Variants in DEPDC1 observed in about 807,000 individuals in gnomAD.
DEPDC1 encodes the protein DEP domain-containing protein 1A.
Under a neutral mutation model 86.8 loss-of-function variants are expected in DEPDC1, and 66 were observed. The ratio of observed to expected loss-of-function variants is 0.76; its 90% CI spans 0.62 to 0.93. DEPDC1 has a LOEUF of 0.93. DEPDC1 is among the 40% of genes least tolerant of loss of function. DEPDC1 has a pLI of 0.00. For synonymous variants in DEPDC1, 255 were observed against 314.9 expected, an observed-to-expected ratio of 0.81 and a Z score of 2.02; for missense variants, 792 against 935.7, an observed-to-expected ratio of 0.85 and a Z score of 2.00.
At chr1:68,492,124 C>T (rs976586354) in intron 2 of DEPDC1, among the ~76,000 whole-genome samples, 1 of 151,966 alleles carries the variant, frequency 6.6e-6, no homozygotes, top group East Asian at 1.9e-4. Context: ...GAAGTTTGAC[C>T]TTGGTCTTCA....
chr1:68,484,776 A>C (rs2100256964), intron 6 of DEPDC1, among the ~76,000 whole-genome samples: 1 of 152,058 alleles, frequency 6.6e-6, no homozygotes, highest in African/African-American at 2.4e-5. Context: ...ATATCACAGA[A>C]TCATCCAATG....
At chr1:68,488,253 T>C (rs911272010) in intron 5 of DEPDC1, 121 bp downstream of exon 5, 3 of 834,692 alleles carry the variant, frequency 3.6e-6, no homozygotes, top group Non-Finnish European at 5.2e-6. Flanking sequence ...GAACTTATGA[T>C]AGCCCCTCTG....
rs1472656915 is a variant in DEPDC1, at chr1:68,496,306, C to G, written c.48+646G>C. On this transcript the variant is annotated intron_variant, in intron 1 of 11. Transcript: ENST00000456315. This position sits in a 1 kb window ranked among gnomAD's most constrained non-coding sequence, Gnocchi z 4.0. ...AAACAGGCTCACAGAAGGTAGGGGA[C>G]TCACCTAACGTCACATAACCAGCAC... Among the ~76,000 whole-genome samples the G allele has an allele frequency of 6.6e-6, 1 of 152,150 alleles. No individual in the cohort carries two copies. The highest frequency in any genetic ancestry group is 1.5e-5 in the Non-Finnish European group (1 of 68,024).
Position 68,482,170 on chromosome 1 carries a change from T to G in DEPDC1, c.1638A>C (p.Gln546His), listed in dbSNP as rs750551117. The G allele has an allele frequency of 6.2e-7, 1 of 1,613,016 alleles. No individual in the cohort carries two copies. Among genetic ancestry groups the G allele is most frequent in the South Asian group, 1.1e-5 (1 of 91,064 alleles). Reference sequence around the variant, plus strand: ...CTCCGAGTTCACTTTCCATAGCTGTTTGCACACTTGTGCTGCCTTGTCCAA... The same window carrying G: ...CTCCGAGTTCACTTTCCATAGCTGTGTGCACACTTGTGCTGCCTTGTCCAA... ...PNVGQGSTSV[Q>H]TAMESELGES... Residue 546 changes from glutamine (Q) to histidine (H), a missense_variant, in exon 8 of 12, where the codon CAA becomes CAC. Physicochemically the swap from Gln to His is conservative, Grantham distance 24 (BLOSUM62 0). Coordinates refer to ENST00000456315, the MANE Select transcript of DEPDC1 (RefSeq NM_001114120.3).
chr1:68,484,112 A>G (rs1040463947), intron 6 of DEPDC1, 22 bp from the exon 7 acceptor site: 5 of 1,500,212 alleles, frequency 3.3e-6, no homozygotes, highest in Non-Finnish European at 4.5e-6. Context: ...AAGGCAAGAG[A>G]AAAAGGTAAA....
chr1:68,477,547 A>G (rs1646124369), intron 11 of DEPDC1, among the ~76,000 whole-genome samples: 1 of 151,814 alleles, frequency 6.6e-6, no homozygotes, highest in Non-Finnish European at 1.5e-5. Flanking sequence ...GTGAAAAAGG[A>G]GAGTATATAT....
chr1:68,495,266 A>G (rs911219465), intron 1 of DEPDC1, among the ~76,000 whole-genome samples: 1 of 152,240 alleles, frequency 6.6e-6, no homozygotes, highest in Admixed American at 6.5e-5. Flanking sequence ...TCCTTATTTA[A>G]GATCCTGAGC....
Position 68,496,870 on chromosome 1 carries a change from T to A in DEPDC1, c.48+82A>T. On this transcript the variant is annotated intron_variant, in intron 1 of 11. Transcript: ENST00000456315. The surrounding 1 kb of genome is among the most constrained non-coding windows in gnomAD (Gnocchi z 4.0). ...CTCATCCCTCCGACCGAGGTAAAAC[T>A]GCGAACGGTCGAGGTAAAACTGCGA... 2 of 1,448,492 alleles carry A rather than the reference T, an allele frequency of 1.4e-6. No individual in the cohort carries two copies. The highest frequency in any genetic ancestry group is 9.6e-7 in the Non-Finnish European group (1 of 1,041,548). 89.7% of individuals were successfully genotyped at this position (1,448,492 alleles called of 1,614,324 possible).
In DEPDC1 at chr1:68,482,443, C is replaced by T. The variant is rs761001434; in HGVS notation, c.1365G>A (p.Leu455=). The T allele has an allele frequency of 1.9e-6, 3 of 1,612,838 alleles. No individual in the cohort carries two copies. The highest frequency in any genetic ancestry group is 1.1e-5 in the South Asian group (1 of 91,056). Residue 455 remains leucine, a synonymous_variant, in exon 8 of 12, where the codon CTG becomes CTA. Coordinates refer to ENST00000456315, the MANE Select transcript of DEPDC1 (RefSeq NM_001114120.3). ...FPNIEGQNNK[L]FLESKPKQEF... ...CCTGTTTGGGCTTAGACTCTAAAAACAGTTTATTATTTTGTCCTTCTATGT... is the reference window on the plus strand; with the variant it reads ...CCTGTTTGGGCTTAGACTCTAAAAATAGTTTATTATTTTGTCCTTCTATGT...
chr1:68,477,950 A>G lies in DEPDC1; in HGVS notation c.2135T>C (p.Leu712Pro), dbSNP rs1225947174. Residue 712 changes from leucine (L) to proline (P), a missense_variant, in exon 11 of 12, where the codon CTA becomes CCA. Physicochemically the swap from Leu to Pro is moderately conservative, Grantham distance 98. Coordinates refer to ENST00000456315, the MANE Select transcript of DEPDC1 (RefSeq NM_001114120.3). ...TGAGTAAGTTGGCAAAGGAGCAAATAGTCCATCTCCAGGATTTTCAATCTG... is the reference window on the plus strand; with the variant it reads ...TGAGTAAGTTGGCAAAGGAGCAAATGGTCCATCTCCAGGATTTTCAATCTG... Reference protein sequence around the residue: ...KGHIENPGDGLFAPLPTYSYC... With the variant: ...KGHIENPGDGPFAPLPTYSYC... The G allele has an allele frequency of 2.6e-6, 4 of 1,549,876 alleles. No individual in the cohort carries two copies. The highest frequency in any genetic ancestry group is 3.5e-6 in the Non-Finnish European group (4 of 1,148,832).
Position 68,474,153 on chromosome 1 carries a change from T to C in DEPDC1, c.*2779A>G, listed in dbSNP as rs1646099134. On this transcript the variant is annotated 3_prime_UTR_variant, in exon 12 of 12. Coordinates refer to ENST00000456315, the MANE Select transcript of DEPDC1 (RefSeq NM_001114120.3). ...ATTGTGAGACACAAGAAAAGAAACTTGATAGCAAAAGAGTTTTAATCAGTA... is the reference window on the plus strand; with the variant it reads ...ATTGTGAGACACAAGAAAAGAAACTCGATAGCAAAAGAGTTTTAATCAGTA... The C allele has an allele frequency of 6.6e-6, 1 of 152,048 alleles. No homozygotes were observed. The highest frequency in any genetic ancestry group is 6.6e-5 in the Admixed American group (1 of 15,236). 9.4% of individuals were successfully genotyped at this position (152,048 alleles called of 1,614,324 possible).
In DEPDC1 at chr1:68,482,315, C is replaced by G. The variant is rs762798936; in HGVS notation, c.1493G>C (p.Cys498Ser). The part of the protein sequence containing the change: ...TLTVQDQEEL[C>S]NGKCKSKQLC... Reference sequence around the variant, plus strand: ...CTGTTTTGACTTGCATTTCCCATTACACAACTCCTCTTGGTCTTGAACAGT... The same window carrying G: ...CTGTTTTGACTTGCATTTCCCATTAGACAACTCCTCTTGGTCTTGAACAGT... The change falls in exon 8 of 12, where the codon TGT (cysteine) becomes TCT (serine). Residue 498 changes from cysteine (C) to serine (S), a missense_variant. Coordinates refer to ENST00000456315, the MANE Select transcript of DEPDC1 (RefSeq NM_001114120.3). 18 of 1,612,882 alleles carry G rather than the reference C, an allele frequency of 1.1e-5. No homozygotes were observed. The African/African-American group carries it at 2.4e-4, about 22-fold the overall frequency.
chr1:68,479,050 T>G (rs1443542054), intron 10 of DEPDC1, 94 bp downstream of exon 10: 4 of 1,081,210 alleles, frequency 3.7e-6, no homozygotes, highest in Non-Finnish European at 5.4e-6. Context: ...TTATGGGAGC[T>G]GATAAAGTCT....
rs1488130823 is a variant in DEPDC1 at position 68,494,682 on chromosome 1, G to GT, written c.61dup (p.Thr21AsnfsTer18). On this transcript the variant is annotated frameshift_variant, in exon 2 of 12. Transcript: ENST00000456315. LOFTEE classifies it high-confidence loss of function. ...AGGCATTCCTGCTCGAAAAGATGTG[G>GT]TAACTTCATTCCACTGTAAAAAGAA... 2 of 1,612,690 alleles carry GT rather than the reference G, an allele frequency of 1.2e-6. No individual in the cohort carries two copies. The highest frequency in any genetic ancestry group is 2.2e-5 in the South Asian group (2 of 90,950).
chr1:68,484,787 T>A (rs570005752), intron 6 of DEPDC1, among the ~76,000 whole-genome samples: 1 of 152,070 alleles, frequency 6.6e-6, no homozygotes, highest in Admixed American at 6.6e-5. Context: ...TCATCCAATG[T>A]GCCTATTAAA....
intron 5 of DEPDC1, 89 bp from the exon 6 acceptor site, chr1:68,487,073 T>C: frequency 5.1e-6 from 6 of 1,171,312 alleles, no homozygotes; most frequent in Non-Finnish European, 7.2e-6. Context: ...CAATTATATA[T>C]ATGTATATAC....
chr1:68,488,496 G>A lies in DEPDC1; in HGVS notation c.599C>T (p.Thr200Ile), dbSNP rs762769250. The change falls in exon 5 of 12, where the codon ACC becomes ATC. Residue 200 changes from threonine to isoleucine, a missense_variant. Coordinates refer to ENST00000456315, the MANE Select transcript of DEPDC1 (RefSeq NM_001114120.3). ...WRYVILIYLQ[T>I]ILGVPSLEEV... ...TTCTAGGGATGGCACACCTAAAATG[G>A]TTTGCAGGCTAAATAGAAGAAAGAA... The A allele has an allele frequency of 2.5e-6, 4 of 1,602,436 alleles. No homozygotes were observed. The highest frequency in any genetic ancestry group is 3.4e-6 in the Non-Finnish European group (4 of 1,175,650).
At chr1:68,489,879 A>G (rs1646217992) in intron 2 of DEPDC1, among the ~76,000 whole-genome samples, 1 of 152,000 alleles carries the variant, frequency 6.6e-6, no homozygotes, top group Non-Finnish European at 1.5e-5. Flanking sequence ...TACACACAAA[A>G]TGGCTCTAGA....
chr1:68,480,228 T>C (rs997959099), intron 9 of DEPDC1, among the ~76,000 whole-genome samples: 4 of 122,268 alleles, frequency 3.3e-5, no homozygotes, highest in African/African-American at 1.3e-4. Context: ...CTTTCACTTA[T>C]ATCTATGCAA....
Sources: allele counts gnomAD v4.1 joint callset (sites outside exome capture counted in the v4.1 genomes callset), GRCh38; gene constraint gnomAD v4.1.1; non-coding constraint Gnocchi (gnomAD v3.1); transcripts MANE v1.5; gene names NCBI Gene and HGNC (gene_info 2026-07-23, HGNC 2026-07-21).